Variants in DGLUCY observed in about 807,000 individuals in gnomAD.
The protein encoded by DGLUCY is D-glutamate cyclase, mitochondrial.
A neutral mutation model predicts 58.5 loss-of-function variants in DGLUCY; 58 were observed. The ratio of observed to expected loss-of-function variants is 0.99; its 90% CI spans 0.80 to 1.23. The LOEUF is 1.23. Among genes scored for constraint, DGLUCY ranks in the 50% most tolerant of loss-of-function variants. The pLI is 0.00. For missense variants in DGLUCY, 779 were observed against 784.7 expected (o/e 0.99, Z 0.09); for synonymous variants, 325 against 314.1 (o/e 1.03, Z -0.37).
intron 7 of DGLUCY, among the ~76,000 whole-genome samples, chr14:91,178,359 T>TCACTATG (rs2048981463): frequency 6.6e-6 from 1 of 152,092 alleles, no homozygotes; most frequent in South Asian, 2.1e-4. Context: ...AGATGGGGTC[T>TCACTATG]CACTATGTTG....
chr14:91,179,751 C>CA (rs200673413), intron 7 of DGLUCY, among the ~76,000 whole-genome samples: 5,413 of 134,608 alleles, frequency 0.04, 323 homozygotes, highest in African/African-American at 0.13. Context: ...GTTCCGTCTC[C>CA]AAAAAAAAAA....
At chr14:91,194,977 G>A (rs1051487111) in intron 9 of DGLUCY, among the ~76,000 whole-genome samples, 5 of 152,194 alleles carry the variant, frequency 3.3e-5, no homozygotes, top group African/African-American at 1.2e-4. Flanking sequence ...GGTGGGAGCC[G>A]CTGTCTGGAA....
At chr14:91,205,373 C>T (rs956561116) in intron 12 of DGLUCY, among the ~76,000 whole-genome samples, 2 of 152,300 alleles carry the variant, frequency 1.3e-5, no homozygotes, top group East Asian at 3.9e-4. Context: ...TCCCGCAGGA[C>T]CCACCTTTCC....
chr14:91,224,564 T>G (rs2140816796), intron 13 of DGLUCY, 120 bp from the exon 14 acceptor site: 1 of 1,173,002 alleles, frequency 8.5e-7, no homozygotes, highest in East Asian at 2.7e-5. Flanking sequence ...ACCAAAATTT[T>G]ACTTTTTTAA....
At position 91,224,841 on chromosome 14, in the gene DGLUCY, T is replaced by G; in HGVS notation, c.*8T>G. 1 of 1,599,604 alleles carries G rather than the reference T, an allele frequency of 6.3e-7. No homozygotes were observed. Among genetic ancestry groups the G allele is most frequent in the Non-Finnish European group, 8.6e-7 (1 of 1,169,434 alleles). ...ACCACGGCACAGGTGTAACCGTCCATGTTCCGTGTGAGCAGAGTCCCTACC... is the reference window on the plus strand; with the variant it reads ...ACCACGGCACAGGTGTAACCGTCCAGGTTCCGTGTGAGCAGAGTCCCTACC... On this transcript the variant is annotated 3_prime_UTR_variant, in exon 14 of 14. Coordinates refer to ENST00000256324, the MANE Select transcript of DGLUCY (RefSeq NM_001102368.3).
chr14:91,174,211 G>C (rs1441215477), intron 6 of DGLUCY, among the ~76,000 whole-genome samples: 2 of 152,160 alleles, frequency 1.3e-5, no homozygotes, highest in Non-Finnish European at 2.9e-5. Flanking sequence ...TGCCTAAGGA[G>C]GGCATGGAAG....
chr14:91,156,407 C>T (rs576168530), intron 1 of DGLUCY, among the ~76,000 whole-genome samples: 1 of 152,292 alleles, frequency 6.6e-6, no homozygotes, highest in African/African-American at 2.4e-5. Context: ...AGCCACTGTG[C>T]CCGGCCTGTT....
intron 1 of DGLUCY, chr14:91,126,465 T>A: frequency 4.4e-6 from 1 of 228,640 alleles, no homozygotes; most frequent in Non-Finnish European, 9.2e-6. Context: ...ATGCCTCCTC[T>A]GTTTACAACA....
chr14:91,165,140 C>T (rs1435339397), intron 3 of DGLUCY: 7 of 417,140 alleles, frequency 1.7e-5, no homozygotes, highest in Admixed American at 5.5e-5. Flanking sequence ...ATGTCCAACA[C>T]ATTGTTTCAT....
chr14:91,195,685 T>A (rs2050158413), intron 9 of DGLUCY, among the ~76,000 whole-genome samples: 1 of 149,880 alleles, frequency 6.7e-6, no homozygotes, highest in South Asian at 2.2e-4. Context: ...TTTTTTTTTT[T>A]TTTGAGATGC....
Position 91,134,893 on chromosome 14 carries a change from C to T in DGLUCY, c.-82+20610C>T, listed in dbSNP as rs1414759116. On this transcript the variant is annotated intron_variant, in intron 1 of 13. Coordinates refer to ENST00000256324, the MANE Select transcript of DGLUCY (RefSeq NM_001102368.3). ...TTTCCACGCAATCATAATATCTGCA[C>T]GTTTTTTCTTCCTTCCCAAGCCTTT... Among the ~76,000 whole-genome samples, 6 of 152,032 alleles carry T rather than the reference C, an allele frequency of 3.9e-5. No individual in the cohort carries two copies. In the East Asian group the frequency reaches 7.7e-4, roughly 20 times the overall value.
At chr14:91,147,775 T>C (rs2047088835) in intron 1 of DGLUCY, 1 of 152,286 alleles carries the variant, frequency 6.6e-6, no homozygotes, top group Non-Finnish European at 1.5e-5. Flanking sequence ...ACATTTGTGC[T>C]CTCAGGTGGC....
chr14:91,066,319 A>G (rs1391127944), intron 1 of DGLUCY, among the ~76,000 whole-genome samples: 1 of 147,666 alleles, frequency 6.8e-6, no homozygotes, highest in Non-Finnish European at 1.5e-5. Context: ...CAGAGGTTGC[A>G]GTGAGCTGAG....
intron 1 of DGLUCY, among the ~76,000 whole-genome samples, chr14:91,094,252 T>C (rs1363157830): frequency 1.3e-5 from 2 of 151,306 alleles, no homozygotes; most frequent in African/African-American, 4.9e-5. Context: ...CTAGCCAATA[T>C]GGTGAAACCC....
At chr14:91,189,309 A>C in intron 9 of DGLUCY, 139 bp downstream of exon 9, 1 of 1,179,136 alleles carries the variant, frequency 8.5e-7, no homozygotes, top group Admixed American at 2.5e-5. Context: ...GCTTGATTTC[A>C]TAGACGAAGA....
At chr14:91,223,784 A>C (rs1413810026) in intron 13 of DGLUCY, 2 of 1,116,998 alleles carry the variant, frequency 1.8e-6, no homozygotes, top group Admixed American at 2.8e-5. Context: ...GACCCTGCTA[A>C]GTGCTTTGCT....
intron 8 of DGLUCY, among the ~76,000 whole-genome samples, chr14:91,186,172 C>T (rs1360816377): frequency 6.6e-6 from 1 of 152,102 alleles, no homozygotes; most frequent in African/African-American, 2.4e-5. Flanking sequence ...TCCTCTTCTC[C>T]CTTTGGAGCT....
At chr14:91,200,721 G>T (rs899197232) in intron 11 of DGLUCY, among the ~76,000 whole-genome samples, 2 of 152,068 alleles carry the variant, frequency 1.3e-5, no homozygotes, top group African/African-American at 4.8e-5. Flanking sequence ...GGACTACAGG[G>T]TGTGCTACCA....
intron 8 of DGLUCY, chr14:91,185,679 TTA>T (rs2049472012): frequency 6.7e-6 from 1 of 149,494 alleles, no homozygotes; most frequent in Non-Finnish European, 1.5e-5. Context: ...GGAAGATGAA[TTA>T]TTAACTCTAC....
Sources: allele counts gnomAD v4.1 joint callset (sites outside exome capture counted in the v4.1 genomes callset), GRCh38; gene constraint gnomAD v4.1.1; transcripts MANE v1.5; gene names NCBI Gene and HGNC (gene_info 2026-07-23, HGNC 2026-07-21).